The following CCDC178 variants were observed in gnomAD, a reference collection of about 807,000 sequenced individuals.
CCDC178 encodes coiled-coil domain containing 178.
In CCDC178, 126 loss-of-function variants were observed where a neutral mutation model predicts 117.4. The observed-to-expected ratio is 1.07, with a 90% CI of 0.93 to 1.24. The LOEUF is 1.24. Ranked by LOEUF, CCDC178 falls within the 50% of genes most tolerant of loss-of-function variation. The pLI, the probability that CCDC178 is intolerant of heterozygous loss-of-function variation, is 0.00. For synonymous variants in CCDC178, 283 were observed against 313.4 expected, an observed-to-expected ratio of 0.90 and a Z score of 1.02; for missense variants, 1,030 against 986.9, an observed-to-expected ratio of 1.04 and a Z score of -0.59.
At chr18:33,015,592 C>T (rs888374387) in intron 21 of CCDC178, among the ~76,000 whole-genome samples, 4 of 149,498 alleles carry the variant, frequency 2.7e-5, no homozygotes, top group African/African-American at 9.9e-5. Flanking sequence ...CAAACAACAA[C>T]AACAAAAACA....
chr18:33,329,294 C>T (rs1295823041), intron 10 of CCDC178, among the ~76,000 whole-genome samples: 1 of 152,086 alleles, frequency 6.6e-6, no homozygotes, highest in Non-Finnish European at 1.5e-5. Context: ...TTTTACTTGC[C>T]TAACCACTCT....
chr18:33,421,920 T>A (rs117076550), intron 2 of CCDC178, among the ~76,000 whole-genome samples: 2,992 of 152,244 alleles, frequency 0.02, 65 homozygotes, highest in Non-Finnish European at 0.027. Context: ...TTCCCACTTC[T>A]CTCTTTTGAA....
chr18:32,989,270 C>T (rs1314234526), intron 21 of CCDC178, among the ~76,000 whole-genome samples: 1 of 151,990 alleles, frequency 6.6e-6, no homozygotes, highest in Admixed American at 6.6e-5. Context: ...TAATCATGGC[C>T]AGGTGATATT....
At chr18:33,243,062 T>C (rs185257871) in intron 15 of CCDC178, among the ~76,000 whole-genome samples, 1 of 152,034 alleles carries the variant, frequency 6.6e-6, no homozygotes, top group African/African-American at 2.4e-5. Context: ...TGGAATACTA[T>C]TGAGCCATAA....
In CCDC178 at chr18:32,939,839, C is replaced by G. The variant is rs865834547; in HGVS notation, c.2524-1748G>C. Among the ~76,000 whole-genome samples, 114 of 152,104 alleles carry G rather than the reference C, an allele frequency of 7.5e-4. 1 individual carries two copies. The highest frequency in any genetic ancestry group is 2.4e-3 in the African/African-American group (101 of 41,516). On this transcript the variant is annotated intron_variant, in intron 22 of 22. Transcript: ENST00000383096. ...TCTTTCATATCCGAAATGTTTGGGTCTTTATATAGAAACACACACTCCATT... is the reference window on the plus strand; with the variant it reads ...TCTTTCATATCCGAAATGTTTGGGTGTTTATATAGAAACACACACTCCATT...
chr18:33,252,484 A>G (rs1488800649), intron 14 of CCDC178, among the ~76,000 whole-genome samples: 2 of 151,804 alleles, frequency 1.3e-5, no homozygotes, highest in Non-Finnish European at 2.9e-5. Flanking sequence ...AAAATTAAAA[A>G]CCAAAAGTAA....
intron 18 of CCDC178, among the ~76,000 whole-genome samples, chr18:33,220,249 C>A (rs957612701): frequency 6.6e-6 from 1 of 152,044 alleles, no homozygotes; most frequent in Non-Finnish European, 1.5e-5. Flanking sequence ...GTGGGTGTTA[C>A]AATGCACCGA....
intron 20 of CCDC178, among the ~76,000 whole-genome samples, chr18:33,166,602 G>C (rs1352066258): frequency 6.6e-6 from 1 of 152,134 alleles, no homozygotes; most frequent in East Asian, 1.9e-4. Context: ...ACCTAAAGGA[G>C]ATAATACAAA....
chr18:33,193,264 C>CAA lies in CCDC178; in HGVS notation c.2238+18630_2238+18631dup, dbSNP rs59092607. On this transcript the variant is annotated intron_variant, in intron 20 of 22. Coordinates refer to ENST00000383096, the MANE Select transcript of CCDC178 (RefSeq NM_001105528.4). ...GGCAACAGAGCGAGACTCCGTCTCA[C>CAA]AAAAAAAAAAAAAAAAAAAAAAAAA... Among the ~76,000 whole-genome samples the CAA allele has an allele frequency of 2.2e-4, 17 of 77,172 alleles. 2 individuals are homozygous for CAA. Among genetic ancestry groups the CAA allele is most frequent in the African/African-American group, 5.1e-4 (9 of 17,778 alleles). 50.6% of individuals were successfully genotyped at this position (77,172 alleles called of 152,430 possible).
At chr18:33,244,071 C>A (rs150862760) in intron 15 of CCDC178, among the ~76,000 whole-genome samples, 4 of 152,088 alleles carry the variant, frequency 2.6e-5, no homozygotes, top group African/African-American at 9.6e-5. Context: ...TTAGGAGAGA[C>A]ATAGGTCATT....
intron 14 of CCDC178, among the ~76,000 whole-genome samples, chr18:33,263,059 C>T (rs1343805931): frequency 6.6e-6 from 1 of 152,108 alleles, no homozygotes; most frequent in African/African-American, 2.4e-5. Flanking sequence ...AACAAATATT[C>T]AACCTCCCTA....
intron 21 of CCDC178, among the ~76,000 whole-genome samples, chr18:32,989,021 ATTTTTCCAAG>A (rs2055331884): frequency 6.6e-6 from 1 of 152,124 alleles, no homozygotes; most frequent in Non-Finnish European, 1.5e-5. Context: ...TTATAGGATA[ATTTTTCCAAG>A]TTTTAAAGAC....
At chr18:33,147,971 G>A (rs1285114290) in intron 20 of CCDC178, among the ~76,000 whole-genome samples, 6 of 151,656 alleles carry the variant, frequency 4.0e-5, no homozygotes, top group East Asian at 2.0e-4. Flanking sequence ...CCTCCCGGAC[G>A]GGGCGGCGGC....
chr18:33,120,394 A>T (rs1052472570), intron 20 of CCDC178, among the ~76,000 whole-genome samples: 5 of 152,064 alleles, frequency 3.3e-5, no homozygotes, highest in Non-Finnish European at 1.5e-5. Context: ...GGGTAATGAG[A>T]GGTAGTTCTA....
In CCDC178 at chr18:33,346,267, T is replaced by G; in HGVS notation, c.602A>C (p.Lys201Thr). ...TTTCCAGACTGACCAAGAGTCAATT[T>G]TCATGTTAATCATATTCTTTCTTGA... The part of the protein sequence containing the change: ...QRSRKNMINM[K>T]IDSWSVWKLQ... Residue 201 changes from lysine to threonine, a missense_variant, in exon 9 of 23, where the codon AAA (lysine) becomes ACA (threonine). By Grantham distance (78) the Lys-to-Thr change is moderately conservative. Transcript: ENST00000383096. The G allele has an allele frequency of 1.9e-6, 3 of 1,614,034 alleles. No homozygotes were observed. The highest frequency in any genetic ancestry group is 2.5e-6 in the Non-Finnish European group (3 of 1,179,944).
chr18:33,063,869 C>A (rs2056970167), intron 21 of CCDC178, among the ~76,000 whole-genome samples: 2 of 152,168 alleles, frequency 1.3e-5, no homozygotes, highest in Non-Finnish European at 2.9e-5. Context: ...AACCCTAAAG[C>A]AAACTGCACT....
intron 20 of CCDC178, among the ~76,000 whole-genome samples, chr18:33,109,478 A>G (rs1326645097): frequency 1.3e-5 from 2 of 151,622 alleles, no homozygotes; most frequent in Admixed American, 1.3e-4. Flanking sequence ...ATTAAAGTCT[A>G]TATTAATCCC....
At chr18:33,293,431 T>G (rs888730878) in intron 11 of CCDC178, 119 bp from the exon 12 acceptor site, 3 of 508,072 alleles carry the variant, frequency 5.9e-6, no homozygotes, top group Non-Finnish European at 6.5e-6. Flanking sequence ...GAGGCCAAGG[T>G]AGCAGATGGC....
intron 14 of CCDC178, among the ~76,000 whole-genome samples, 191 bp downstream of exon 14, chr18:33,266,725 G>A (rs543714518): frequency 6.6e-6 from 1 of 151,626 alleles, no homozygotes; most frequent in African/African-American, 2.4e-5. Context: ...ACACCAACAT[G>A]GCACATGTAT....
Sources: gnomAD v4.1 joint callset for allele counts (sites outside exome capture counted in the v4.1 genomes callset) on GRCh38, gnomAD v4.1.1 for gene constraint, MANE v1.5 for transcripts, NCBI Gene and HGNC (gene_info 2026-07-23, HGNC 2026-07-21) for gene names.